The following TMPRSS15 variants were observed in gnomAD, a reference collection of about 807,000 sequenced individuals.
The protein encoded by TMPRSS15 is enteropeptidase.
TMPRSS15 carries 128 observed loss-of-function variants against 125.3 expected under a neutral mutation model. The observed-to-expected ratio is 1.02, with a 90% CI of 0.89 to 1.18. TMPRSS15 has a LOEUF of 1.18. Among genes scored for constraint, TMPRSS15 ranks in the 50% most tolerant of loss-of-function variants. TMPRSS15 has a pLI of 0.00. For synonymous variants in TMPRSS15, 446 were observed against 423.2 expected, an observed-to-expected ratio of 1.05 and a Z score of -0.66; for missense variants, 1,283 against 1,212.7, an observed-to-expected ratio of 1.06 and a Z score of -0.86.
chr21:18,340,734 GAAGCCCACAAAAACCTC>G (rs2075437712), intron 13 of TMPRSS15, among the ~76,000 whole-genome samples: 3 of 109,304 alleles, frequency 2.7e-5, no homozygotes, highest in Non-Finnish European at 6.1e-5. Flanking sequence ...TACTCCTTAA[GAAGCCCACAAAAACCTC>G]AAGGCACCCT....
At chr21:18,291,557 C>T (rs2074834743) in intron 21 of TMPRSS15, among the ~76,000 whole-genome samples, 1 of 152,108 alleles carries the variant, frequency 6.6e-6, no homozygotes, top group East Asian at 1.9e-4. Context: ...AGTTTAATAA[C>T]TTGCTTGATC....
intron 16 of TMPRSS15, among the ~76,000 whole-genome samples, chr21:18,320,706 G>A (rs1231412442): frequency 6.6e-6 from 1 of 152,122 alleles, no homozygotes; most frequent in Non-Finnish European, 1.5e-5. Context: ...TTACTGAACT[G>A]AACAGAAATT....
intron 4 of TMPRSS15, chr21:18,380,525 G>A: frequency 2.1e-6 from 1 of 470,132 alleles, no homozygotes; most frequent in South Asian, 1.6e-5. Context: ...TTTTAAAAGT[G>A]CCATAAACAC....
chr21:18,398,371 A>G, intron 1 of TMPRSS15, 42 bp from the exon 2 acceptor site: 1 of 1,603,856 alleles, frequency 6.2e-7, no homozygotes, highest in Non-Finnish European at 8.5e-7. Context: ...ATTTTGGATT[A>G]TGAGTAGGAG....
At chr21:18,289,287 C>T (rs893683109) in intron 21 of TMPRSS15, among the ~76,000 whole-genome samples, 8 of 152,094 alleles carry the variant, frequency 5.3e-5, no homozygotes, top group South Asian at 2.1e-4. Context: ...CTGAGGTGGG[C>T]GGATCACCTG....
At position 18,294,647 on chromosome 21, in the gene TMPRSS15, T is replaced by C; in HGVS notation, c.2267A>G (p.Gln756Arg). ...CCGAATCAAGGAATCCTGTAAACACTGTTGACTGTAATAGAAGAACAATCA... is the reference window on the plus strand; with the variant it reads ...CCGAATCAAGGAATCCTGTAAACACCGTTGACTGTAATAGAAGAACAATCA... Reference protein sequence around the residue: ...DGHLILTPSQQCLQDSLIRLQ... With the variant: ...DGHLILTPSQRCLQDSLIRLQ... Residue 756 changes from glutamine (Q) to arginine (R), a missense_variant, in exon 20 of 25, where the codon CAG (glutamine) becomes CGG (arginine). Physicochemically the swap from Gln to Arg is conservative, Grantham distance 43. Transcript: ENST00000284885. The C allele has an allele frequency of 6.2e-7, 1 of 1,610,168 alleles. No individual in the cohort carries two copies. Among genetic ancestry groups the C allele is most frequent in the Non-Finnish European group, 8.5e-7 (1 of 1,176,422 alleles).
chr21:18,270,234 G>T (rs74740848), intron 24 of TMPRSS15, 110 bp from the exon 25 acceptor site: 56,058 of 953,028 alleles, frequency 0.059, 1,927 homozygotes, highest in Non-Finnish European at 0.07. Flanking sequence ...TAAAAAATAT[G>T]ATTTAATTGC....
intron 22 of TMPRSS15, among the ~76,000 whole-genome samples, chr21:18,279,371 G>T (rs1233901593): frequency 7.6e-6 from 1 of 130,764 alleles, no homozygotes; most frequent in East Asian, 2.2e-4. Context: ...GGTCGCCCAG[G>T]CTGGAGTGCA....
intron 1 of TMPRSS15, among the ~76,000 whole-genome samples, chr21:18,422,577 G>A (rs144711791): frequency 6.0e-4 from 91 of 152,156 alleles, no homozygotes; most frequent in African/African-American, 2.0e-3. Flanking sequence ...TTATTCTCAC[G>A]ATAACCCTAT....
chr21:18,443,801 G>A lies in TMPRSS15; in HGVS notation c.10+41998C>T, dbSNP rs191664512. 5.3e-5 allele frequency among the ~76,000 whole-genome samples: 8 copies of A among 152,288 alleles called. 1 individual carries two copies. The highest frequency in any genetic ancestry group is 6.8e-3 in the Middle Eastern group (2 of 294). On this transcript the variant is annotated intron_variant, in intron 1 of 7. Transcript: ENST00000422787. ...GCTGGCAACCTCACCCTCTGACACC[G>A]GTAGACAAGCAGGCAATGCTTTCTA... is the stretch of plus-strand genomic sequence containing the variant.
intron 24 of TMPRSS15, among the ~76,000 whole-genome samples, chr21:18,272,732 AAATAAATAAAT>A (rs1463880610): frequency 2.6e-5 from 4 of 152,158 alleles, no homozygotes; most frequent in Non-Finnish European, 5.9e-5. Context: ...ACTCAAAAAT[AAATAAATAAAT>A]AATAAATAAA....
intron 14 of TMPRSS15, among the ~76,000 whole-genome samples, chr21:18,330,247 A>G (rs1465010334): frequency 6.6e-6 from 1 of 152,098 alleles, no homozygotes; most frequent in East Asian, 1.9e-4. Flanking sequence ...TGCCACCACA[A>G]CAGGAGTTCA....
intron 3 of TMPRSS15, among the ~76,000 whole-genome samples, chr21:18,391,221 A>G (rs2075987544): frequency 6.6e-6 from 1 of 152,194 alleles, no homozygotes. Context: ...CAGTCCCTCA[A>G]AGTTTTAACT....
chr21:18,381,245 T>C (rs1007320246), intron 4 of TMPRSS15, among the ~76,000 whole-genome samples: 2 of 152,138 alleles, frequency 1.3e-5, no homozygotes, highest in African/African-American at 4.8e-5. Context: ...TATTTCAGCA[T>C]TTCATCATTT....
chr21:18,284,311 T>C (rs2074737433), intron 21 of TMPRSS15, among the ~76,000 whole-genome samples: 2 of 152,206 alleles, frequency 1.3e-5, no homozygotes, highest in Non-Finnish European at 2.9e-5. Context: ...GGAAAATGAC[T>C]GGAGAATACA....
chr21:18,273,829 G>T (rs1457458607), intron 24 of TMPRSS15, among the ~76,000 whole-genome samples: 2 of 152,134 alleles, frequency 1.3e-5, no homozygotes. Flanking sequence ...TCTTGAATTT[G>T]CAAGCATTTA....
At chr21:18,326,633 AC>A in intron 15 of TMPRSS15, 61 bp from the exon 16 acceptor site, 2 of 1,602,566 alleles carry the variant, frequency 1.2e-6, no homozygotes, top group Non-Finnish European at 1.7e-6. Context: ...AAGGAAATGT[AC>A]CCCACATCTC....
At chr21:18,429,092 A>G (rs962352391) in intron 1 of TMPRSS15, among the ~76,000 whole-genome samples, 1 of 152,160 alleles carries the variant, frequency 6.6e-6, no homozygotes, top group Non-Finnish European at 1.5e-5. Context: ...AAAGGAGATC[A>G]TTTTGGAGCT....
upstream of TMPRSS15, among the ~76,000 whole-genome samples, chr21:18,406,239 T>C (rs1455405292): frequency 6.6e-6 from 1 of 152,114 alleles, no homozygotes; most frequent in Non-Finnish European, 1.5e-5. Flanking sequence ...GTGTCAGAGC[T>C]ATCCCACTTA....
Sources: allele counts gnomAD v4.1 joint callset (sites outside exome capture counted in the v4.1 genomes callset), GRCh38; gene constraint gnomAD v4.1.1; transcripts MANE v1.5; gene names NCBI Gene and HGNC (gene_info 2026-07-23, HGNC 2026-07-21).